Variants in ARAP2 observed in about 807,000 individuals in gnomAD.
The protein encoded by ARAP2 is arf-GAP with Rho-GAP domain, ANK repeat and PH domain-containing protein 2.
ARAP2 carries 148 observed loss-of-function variants against 194.5 expected under a neutral mutation model. That is an observed-to-expected ratio of 0.76 (90% CI 0.67 to 0.87). The LOEUF (loss-of-function observed/expected upper bound fraction) is 0.87. Among genes scored for constraint, ARAP2 ranks in the 40% least tolerant of loss-of-function variants. The pLI is 0.00. For missense variants in ARAP2, 2,128 were observed against 1,989.7 expected (o/e 1.07, Z -1.32); for synonymous variants, 695 against 683.5 (o/e 1.02, Z -0.26).
At chr4:36,075,967 C>A (rs181386084) in intron 31 of ARAP2, among the ~76,000 whole-genome samples, 2 of 152,280 alleles carry the variant, frequency 1.3e-5, no homozygotes, top group Admixed American at 6.5e-5. Context: ...CCTTACACTT[C>A]AAAAACCCTG....
intron 29 of ARAP2, among the ~76,000 whole-genome samples, chr4:36,082,521 T>A: frequency 6.6e-6 from 1 of 152,106 alleles, no homozygotes; most frequent in African/African-American, 2.4e-5. Flanking sequence ...AGAGAGGAGA[T>A]GTCTCTGAGA....
rs555631372 is a variant in ARAP2, at chr4:36,059,703, T to G, written n.148-1560A>C. Among the ~76,000 whole-genome samples, 13 of 152,218 alleles carry G rather than the reference T, an allele frequency of 8.5e-5. No homozygotes were observed. The South Asian group carries it at 2.7e-3, about 32-fold the overall frequency. ...CAGTAAAGGAACTGAGAAGACTGAC[T>G]TGTGAGGAAATAGGAAAACCACAAG... On this transcript the variant is annotated intron_variant and non_coding_transcript_variant, in intron 1 of 12. Transcript: ENST00000503225.
chr4:36,231,255 G>C (rs903186512), intron 1 of ARAP2, among the ~76,000 whole-genome samples: 1 of 152,132 alleles, frequency 6.6e-6, no homozygotes, highest in Non-Finnish European at 1.5e-5. Context: ...AGAATAGCTT[G>C]AACTTGGGAG....
At chr4:36,224,249 A>AAATG (rs1417165043) in intron 2 of ARAP2, among the ~76,000 whole-genome samples, 1 of 151,478 alleles carries the variant, frequency 6.6e-6, no homozygotes. Flanking sequence ...ATAAATAAAT[A>AAATG]AAAACAGTTC....
At chr4:36,104,876 T>C (rs1454982320) in intron 27 of ARAP2, among the ~76,000 whole-genome samples, 1 of 151,986 alleles carries the variant, frequency 6.6e-6, no homozygotes, top group East Asian at 1.9e-4. Context: ...TTGCTGATGG[T>C]TTTCCTTTAA....
chr4:36,129,463 T>C (rs1577997382), intron 20 of ARAP2, among the ~76,000 whole-genome samples: 1 of 151,892 alleles, frequency 6.6e-6, no homozygotes, highest in South Asian at 2.1e-4. Flanking sequence ...TCACCCTTCA[T>C]CAATAATATT....
chr4:36,219,807 A>G lies in ARAP2; in HGVS notation c.906-5327T>C, dbSNP rs1018680950. Among the ~76,000 whole-genome samples the G allele has an allele frequency of 4.6e-5, 7 of 152,154 alleles. No homozygotes were observed. The South Asian group carries it at 1.4e-3, about 31-fold the overall frequency. On this transcript the variant is annotated intron_variant, in intron 2 of 32. Coordinates refer to ENST00000303965, the MANE Select transcript of ARAP2 (RefSeq NM_015230.4). Reference sequence around the variant, plus strand: ...ATGGATATTATAGCATATTCATACAATAAAATACTATACAGCAGGAAAAAT... The same window carrying G: ...ATGGATATTATAGCATATTCATACAGTAAAATACTATACAGCAGGAAAAAT...
At chr4:36,181,884 G>C (rs2109867509) in intron 8 of ARAP2, among the ~76,000 whole-genome samples, 2 of 152,246 alleles carry the variant, frequency 1.3e-5, no homozygotes, top group African/African-American at 4.8e-5. Context: ...GGGGGCCCAG[G>C]GAGTATTATT....
At chr4:36,175,404 C>T (rs1173524194) in intron 9 of ARAP2, among the ~76,000 whole-genome samples, 1 of 152,096 alleles carries the variant, frequency 6.6e-6, no homozygotes, top group East Asian at 1.9e-4. Flanking sequence ...CGGGAGAAAA[C>T]CAATGGGCAA....
At chr4:36,107,803 T>G (rs1288536111) in intron 26 of ARAP2, 110 bp from the exon 27 acceptor site, 1 of 974,854 alleles carries the variant, frequency 1.0e-6, no homozygotes, top group Non-Finnish European at 1.4e-6. Context: ...TAGGCAACAT[T>G]ATACACAATC....
rs773929862 is a variant in ARAP2 at position 36,083,467 on chromosome 4, T to A, written c.4426-17A>T. On this transcript the variant is annotated splice_polypyrimidine_tract_variant and intron_variant, in intron 28 of 32. Transcript: ENST00000303965. ...TTTACTACTCTGTAAGGTAAAAAAA[T>A]AATTTGTAATTAAATGGATTTACAC... The A allele has an allele frequency of 4.7e-6, 7 of 1,491,926 alleles. No individual in the cohort carries two copies. Among genetic ancestry groups the A allele is most frequent in the African/African-American group, 2.8e-5 (2 of 70,698 alleles). 92.4% of individuals were successfully genotyped at this position (1,491,926 alleles called of 1,614,324 possible). A position where few individuals can be genotyped will look rare whatever the true frequency, so the allele number is the denominator to read the frequency against.
At chr4:36,038,009 C>T (rs895169009) in intron 5 of ARAP2, among the ~76,000 whole-genome samples, 4 of 152,150 alleles carry the variant, frequency 2.6e-5, no homozygotes, top group African/African-American at 9.7e-5. Flanking sequence ...CCTTTTTGTG[C>T]TTTTTGTGTC....
chr4:36,123,001 T>G (rs1238778941), intron 22 of ARAP2, among the ~76,000 whole-genome samples: 2 of 151,752 alleles, frequency 1.3e-5, no homozygotes, highest in Non-Finnish European at 2.9e-5. Context: ...TGTAGAGAAT[T>G]CATAATAAAA....
intron 15 of ARAP2, among the ~76,000 whole-genome samples, chr4:36,152,208 C>T (rs574281682): frequency 1.7e-4 from 26 of 152,056 alleles, no homozygotes; most frequent in African/African-American, 2.4e-4. Context: ...ATAGCATAAA[C>T]GAATCCTTTA....
chr4:36,184,241 T>C (rs1272869770), intron 8 of ARAP2, among the ~76,000 whole-genome samples: 1 of 150,750 alleles, frequency 6.6e-6, no homozygotes, highest in Admixed American at 6.6e-5. Context: ...TAGTGTACTG[T>C]TGAAAGTTCC....
At position 36,159,422 on chromosome 4, in the gene ARAP2, G is replaced by A. The variant is rs200667693; in HGVS notation, c.2526C>T (p.Thr842=). 112 of 1,611,584 alleles carry A rather than the reference G, an allele frequency of 6.9e-5. No individual in the cohort carries two copies. Among genetic ancestry groups the A allele is most frequent in the Admixed American group, 1.0e-4 (6 of 59,870 alleles). Residue 842 remains threonine (T), a synonymous_variant, in exon 14 of 33, where the codon ACC becomes ACT. Coordinates refer to ENST00000303965, the MANE Select transcript of ARAP2 (RefSeq NM_015230.4). ...AGGGGGTGCTATGCACGGGGTCTCC[G>A]GTGGCACACATGACATCTGCTCCAC... ...LFSGADVMCA[T]GDPVHSTPYL...
At chr4:36,093,317 C>T (rs1510649) in intron 27 of ARAP2, among the ~76,000 whole-genome samples, 117,283 of 151,530 alleles carry the variant, frequency 0.77, 47,757 homozygotes, top group South Asian at 0.93. Flanking sequence ...CCCAAGTTTA[C>T]CTATGTAACA....
intron 30 of ARAP2, 111 bp from the exon 31 acceptor site, chr4:36,080,390 T>C: frequency 2.5e-6 from 2 of 796,972 alleles, no homozygotes; most frequent in South Asian, 1.7e-5. Context: ...TCCTGATTAA[T>C]GACGTAATGC....
chr4:36,201,790 A>G (rs543979088), intron 6 of ARAP2, among the ~76,000 whole-genome samples: 22 of 152,204 alleles, frequency 1.4e-4, no homozygotes, highest in African/African-American at 5.1e-4. Flanking sequence ...AAGTGCCAGC[A>G]GAGTTTTTTT....
Sources: gnomAD v4.1 joint callset for allele counts (sites outside exome capture counted in the v4.1 genomes callset) on GRCh38, gnomAD v4.1.1 for gene constraint, MANE v1.5 for transcripts, NCBI Gene and HGNC (gene_info 2026-07-23, HGNC 2026-07-21) for gene names.